Variants in PLEKHA5 observed in about 807,000 individuals in gnomAD.
The protein encoded by PLEKHA5 is pleckstrin homology domain containing A5.
A neutral mutation model predicts 181.9 loss-of-function variants in PLEKHA5; 55 were observed. The ratio of observed to expected loss-of-function variants is 0.30; its 90% CI spans 0.24 to 0.38. PLEKHA5 has a LOEUF of 0.38. Ranked by LOEUF, PLEKHA5 falls within the 10% of genes least tolerant of loss-of-function variation. The pLI, the probability that PLEKHA5 is intolerant of heterozygous loss-of-function variation, is 1.00. For missense variants in PLEKHA5, 1,432 were observed against 1,549.5 expected, an observed-to-expected ratio of 0.92 and a Z score of 1.27; for synonymous variants, 535 against 529.4, an observed-to-expected ratio of 1.01 and a Z score of -0.15.
At chr12:19,349,488 T>C (rs1439283839) in intron 25 of PLEKHA5, among the ~76,000 whole-genome samples, 1 of 152,124 alleles carries the variant, frequency 6.6e-6, no homozygotes. Context: ...TCACACAATA[T>C]CAACAAAGTA....
intron 15 of PLEKHA5, among the ~76,000 whole-genome samples, chr12:19,305,090 T>G (rs975044428): frequency 1.3e-5 from 2 of 152,166 alleles, no homozygotes; most frequent in African/African-American, 4.8e-5. Context: ...GGAGGTGATG[T>G]CATGAGCCTT....
At chr12:19,129,969 G>T in intron 1 of PLEKHA5, 81 bp downstream of exon 1, 2 of 1,460,120 alleles carry the variant, frequency 1.4e-6, no homozygotes, top group Non-Finnish European at 1.9e-6. Flanking sequence ...GGGAGAGCCC[G>T]GGTCTGTGCT....
intron 11 of PLEKHA5, among the ~76,000 whole-genome samples, chr12:19,281,337 GA>G (rs538333133): frequency 8.5e-5 from 13 of 152,212 alleles, no homozygotes; most frequent in African/African-American, 3.1e-4. Context: ...GGCACTTTAG[GA>G]GGCTGAGGCA....
At chr12:19,136,675 ATTAT>A (rs1190167006) in intron 3 of PLEKHA5, among the ~76,000 whole-genome samples, 1 of 152,208 alleles carries the variant, frequency 6.6e-6, no homozygotes, top group African/African-American at 2.4e-5. Flanking sequence ...CTTTATTCTG[ATTAT>A]TTAAAGGTCA....
At chr12:19,306,452 G>A (rs749711773) in intron 15 of PLEKHA5, 6 of 612,270 alleles carry the variant, frequency 9.8e-6, no homozygotes, top group South Asian at 6.0e-5. Context: ...CTGTAGCATC[G>A]GATACCCACC....
At chr12:19,170,112 A>AC (rs1395160425) in intron 3 of PLEKHA5, among the ~76,000 whole-genome samples, 9 of 152,218 alleles carry the variant, frequency 5.9e-5, no homozygotes, top group African/African-American at 2.2e-4. Flanking sequence ...CTACATATAA[A>AC]CCAGGAAATA....
chr12:19,346,888 T>A, intron 23 of PLEKHA5, 106 bp from the exon 24 acceptor site: 1 of 735,388 alleles, frequency 1.4e-6, no homozygotes, highest in Non-Finnish European at 2.0e-6. Flanking sequence ...CAGTGTCCCT[T>A]TTAGTATCTT....
chr12:19,325,886 A>G (rs2091975918), intron 20 of PLEKHA5, among the ~76,000 whole-genome samples: 1 of 150,888 alleles, frequency 6.6e-6, no homozygotes, highest in Non-Finnish European at 1.5e-5. Flanking sequence ...GCATGCCTGT[A>G]ATCCCAGCTA....
intron 3 of PLEKHA5, among the ~76,000 whole-genome samples, chr12:19,170,336 G>A (rs1254753666): frequency 1.3e-5 from 2 of 152,042 alleles, no homozygotes; most frequent in Non-Finnish European, 2.9e-5. Flanking sequence ...GATATTTTGT[G>A]TATAAATAAT....
intron 26 of PLEKHA5, among the ~76,000 whole-genome samples, chr12:19,356,233 G>C (rs567889259): frequency 6.6e-6 from 1 of 151,524 alleles, no homozygotes; most frequent in Non-Finnish European, 1.5e-5. Flanking sequence ...AGCAGGTTTA[G>C]GCCAGGCATA....
At chr12:19,185,558 T>G (rs1387271738) in intron 3 of PLEKHA5, among the ~76,000 whole-genome samples, 1 of 152,060 alleles carries the variant, frequency 6.6e-6, no homozygotes, top group Non-Finnish European at 1.5e-5. Flanking sequence ...GATACACACT[T>G]TATCATATTA....
At chr12:19,263,445 C>G (rs1279959578) in intron 7 of PLEKHA5, among the ~76,000 whole-genome samples, 1 of 152,162 alleles carries the variant, frequency 6.6e-6, no homozygotes, top group Non-Finnish European at 1.5e-5. Context: ...CTCAGATATC[C>G]TCTTCACTTA....
At chr12:19,253,839 T>A (rs1404537099) in intron 3 of PLEKHA5, 101 bp from the exon 4 acceptor site, 5 of 813,236 alleles carry the variant, frequency 6.1e-6, no homozygotes, top group Non-Finnish European at 1.0e-5. Flanking sequence ...AAAAAAAGGC[T>A]GGAAGTTTGA....
intron 3 of PLEKHA5, among the ~76,000 whole-genome samples, chr12:19,188,405 C>T (rs565133052): frequency 1.2e-4 from 18 of 152,102 alleles, no homozygotes; most frequent in African/African-American, 4.1e-4. Flanking sequence ...GTTATTTTCA[C>T]TTTGAAAAGA....
chr12:19,299,625 TC>T (rs2080901736), intron 15 of PLEKHA5, among the ~76,000 whole-genome samples: 1 of 152,214 alleles, frequency 6.6e-6, no homozygotes, highest in African/African-American at 2.4e-5. Context: ...ACTGTAAGCC[TC>T]CACTCTCACA....
At position 19,320,631 on chromosome 12, in the gene PLEKHA5, AT is replaced by A; in HGVS notation, c.2217+9del. The A allele has an allele frequency of 7.7e-7, 1 of 1,291,216 alleles. No individual in the cohort carries two copies. Among genetic ancestry groups the A allele is most frequent in the Non-Finnish European group, 1.1e-6 (1 of 898,632 alleles). The allele number at this position is 1,291,216 out of a possible 1,614,324, so 80.0% of individuals were successfully genotyped here. A position where few individuals can be genotyped will look rare whatever the true frequency, so the allele number is the denominator to read the frequency against. The stretch of plus-strand genomic sequence containing the variant: ...TGAAGAAGTAGATATTGATGTAAGT[AT>A]TAGTATGATATATGTGGTCAGTACT... On this transcript the variant is annotated splice_region_variant and intron_variant, in intron 18 of 31. Coordinates refer to ENST00000429027, the MANE Select transcript of PLEKHA5 (RefSeq NM_001256470.2).
chr12:19,247,180 T>A (rs375675518), intron 3 of PLEKHA5, among the ~76,000 whole-genome samples: 2 of 152,330 alleles, frequency 1.3e-5, no homozygotes, highest in South Asian at 2.1e-4. Context: ...AAACAACAGC[T>A]TCCCCCGTTT....
chr12:19,282,000 T>C (rs187754530), intron 11 of PLEKHA5, among the ~76,000 whole-genome samples: 2 of 152,260 alleles, frequency 1.3e-5, no homozygotes, highest in Admixed American at 6.5e-5. Context: ...GCCAGGATGG[T>C]CTCGATCTCC....
chr12:19,364,715 G>T (rs1374782309), intron 29 of PLEKHA5, among the ~76,000 whole-genome samples: 1 of 151,372 alleles, frequency 6.6e-6, no homozygotes, highest in Non-Finnish European at 1.5e-5. Context: ...AGGCTGGCGT[G>T]CAGTGGCGCA....
Sources: allele counts gnomAD v4.1 joint callset (sites outside exome capture counted in the v4.1 genomes callset), GRCh38; gene constraint gnomAD v4.1.1; transcripts MANE v1.5; gene names NCBI Gene and HGNC (gene_info 2026-07-23, HGNC 2026-07-21).